The following TRPM1 variants were observed in gnomAD, a reference collection of about 807,000 sequenced individuals.
The protein encoded by TRPM1 is TRPM1-203 APA Isoform, Intron 10.
TRPM1 carries 113 observed loss-of-function variants against 149.4 expected under a neutral mutation model. The ratio of observed to expected loss-of-function variants is 0.76; its 90% CI spans 0.65 to 0.88. The LOEUF (loss-of-function observed/expected upper bound fraction) is 0.88, where lower values mean the gene tolerates loss of function less well. TRPM1 is among the 40% of genes least tolerant of loss of function. The pLI is 0.00. For synonymous variants in TRPM1, 741 were observed against 759.5 expected, an observed-to-expected ratio of 0.98 and a Z score of 0.40; for missense variants, 1,976 against 2,038.7, an observed-to-expected ratio of 0.97 and a Z score of 0.59.
In TRPM1 at chr15:31,035,694, T is replaced by C. The variant is rs746936202; in HGVS notation, c.2572-20A>G. 1.9e-6 allele frequency: 3 copies of C among 1,614,158 alleles called. No individual in the cohort carries two copies. The East Asian group carries it at 6.7e-5, about 36-fold the overall frequency. On this transcript the variant is annotated intron_variant, in intron 20 of 27. Transcript: ENST00000256552. ...TGATATCTGAAAGAAAGACAAGCTG[T>C]TAGCCGTGTTTGGGGGAATCACATA...
At chr15:31,087,981 T>C (rs756187082) in intron 1 of TRPM1, among the ~76,000 whole-genome samples, 2 of 152,226 alleles carry the variant, frequency 1.3e-5, no homozygotes, top group African/African-American at 2.4e-5. Flanking sequence ...GTAAATTTTA[T>C]GTTATGTGTA....
chr15:31,124,783 G>A (rs1309420704), intron 1 of TRPM1, among the ~76,000 whole-genome samples: 1 of 152,104 alleles, frequency 6.6e-6, no homozygotes, highest in African/African-American at 2.4e-5. Flanking sequence ...AAGACAGGGC[G>A]GGATGAACAG....
intron 8 of TRPM1, 22 bp from the exon 9 acceptor site, chr15:31,062,724 G>A (rs750595764): frequency 5.6e-6 from 9 of 1,612,918 alleles, no homozygotes; most frequent in Non-Finnish European, 7.6e-6. Flanking sequence ...AAATGCAAGA[G>A]AACAAAACAA....
intron 1 of TRPM1, among the ~76,000 whole-genome samples, chr15:31,152,670 T>A (rs1297514208): frequency 1.3e-5 from 2 of 152,016 alleles, no homozygotes; most frequent in Non-Finnish European, 2.9e-5. Flanking sequence ...TGAGACAGGG[T>A]CTGGCTCTGT....
At chr15:31,041,372 G>C (rs547246469) in intron 17 of TRPM1, among the ~76,000 whole-genome samples, 1 of 152,040 alleles carries the variant, frequency 6.6e-6, no homozygotes, top group Non-Finnish European at 1.5e-5. Context: ...GGATGGTCTC[G>C]ATCTCCTGAC....
At chr15:31,101,835 G>A (rs1036339259), upstream of TRPM1, 2 of 559,664 alleles carry the variant, frequency 3.6e-6, no homozygotes, top group East Asian at 1.5e-4. Context: ...CCCATGACCT[G>A]ACTCCCAGGC....
chr15:31,012,991 T>TA, intron 27 of TRPM1, among the ~76,000 whole-genome samples: 1 of 144,944 alleles, frequency 6.9e-6, no homozygotes, highest in East Asian at 1.9e-4. Flanking sequence ...TTTTTTTCTT[T>TA]TTTTTTTTTG....
chr15:31,064,886 A>G, intron 7 of TRPM1: 1 of 400,410 alleles, frequency 2.5e-6, no homozygotes, highest in Non-Finnish European at 5.1e-6. Context: ...AAAATGAACT[A>G]AGATATCCTG....
intron 27 of TRPM1, among the ~76,000 whole-genome samples, chr15:31,020,733 C>T (rs1459294344): frequency 1.3e-5 from 2 of 152,136 alleles, no homozygotes; most frequent in African/African-American, 4.8e-5. Flanking sequence ...TGACCTCATT[C>T]CAGGCCTTTA....
chr15:31,073,673 C>T (rs1161759801), intron 3 of TRPM1, among the ~76,000 whole-genome samples: 1 of 151,964 alleles, frequency 6.6e-6, no homozygotes, highest in Non-Finnish European at 1.5e-5. Flanking sequence ...TTCTCTCTTT[C>T]CAATCTCAAT....
At chr15:31,017,162 C>T (rs540624457) in intron 27 of TRPM1, among the ~76,000 whole-genome samples, 2 of 151,994 alleles carry the variant, frequency 1.3e-5, no homozygotes, top group South Asian at 2.1e-4. Context: ...AAAAATTAGC[C>T]GGACATGGTG....
intron 1 of TRPM1, among the ~76,000 whole-genome samples, chr15:31,092,327 C>T (rs1224735965): frequency 6.6e-6 from 1 of 151,930 alleles, no homozygotes; most frequent in Non-Finnish European, 1.5e-5. Context: ...ACCAGCTCTC[C>T]TGGTTTTACG....
At chr15:31,061,282 C>A (rs1167118604) in intron 10 of TRPM1, among the ~76,000 whole-genome samples, 160 bp downstream of exon 10, 3 of 152,190 alleles carry the variant, frequency 2.0e-5, no homozygotes, top group Non-Finnish European at 2.9e-5. Context: ...AAACAGCGAG[C>A]CTTGTCATTC....
At chr15:31,135,041 C>A (rs1190902609) in intron 1 of TRPM1, among the ~76,000 whole-genome samples, 1 of 152,102 alleles carries the variant, frequency 6.6e-6, no homozygotes, top group African/African-American at 2.4e-5. Flanking sequence ...CCTGGTTATC[C>A]CCCATATATA....
Position 31,067,892 on chromosome 15 carries a change from C to G in TRPM1, c.480G>C (p.Gly160=). The G allele has an allele frequency of 1.2e-6, 2 of 1,612,976 alleles. No homozygotes were observed. Among genetic ancestry groups the G allele is most frequent in the Non-Finnish European group, 1.7e-6 (2 of 1,179,910 alleles). ...GCCTGCTCTTACCTGTGCTGACACC[C>G]CCGGTGAAGATCCAGGCCCCGGTGG... is the stretch of plus-strand genomic sequence containing the variant. ...AMTTGAWIFT[G]GVSTGVISHV... Residue 160 remains glycine, a synonymous_variant, in exon 5 of 28, where the codon GGG becomes GGC. Transcript: ENST00000256552.
At chr15:31,102,823 G>C (rs1042102278), upstream of TRPM1, among the ~76,000 whole-genome samples, 2 of 152,272 alleles carry the variant, frequency 1.3e-5, no homozygotes, top group African/African-American at 4.8e-5. Flanking sequence ...GCTCCCACGT[G>C]CTTTGCTGGA....
At chr15:31,043,551 A>G (rs2033682637) in intron 16 of TRPM1, among the ~76,000 whole-genome samples, 1 of 152,190 alleles carries the variant, frequency 6.6e-6, no homozygotes, top group African/African-American at 2.4e-5. Flanking sequence ...AATGGAAAAT[A>G]TAGTATCTTG....
intron 1 of TRPM1, among the ~76,000 whole-genome samples, chr15:31,132,777 C>T (rs1401210358): frequency 6.6e-6 from 1 of 152,102 alleles, no homozygotes. Flanking sequence ...ATCATGTGGG[C>T]GGGTTTTTCC....
At chr15:31,095,981 GGTTGC>G (rs1400133604) in intron 1 of TRPM1, among the ~76,000 whole-genome samples, 2 of 151,950 alleles carry the variant, frequency 1.3e-5, no homozygotes, top group Admixed American at 1.3e-4. Context: ...GGGAGGTGAA[GGTTGC>G]AGTGAGCCGA....
Sources: allele counts gnomAD v4.1 joint callset (sites outside exome capture counted in the v4.1 genomes callset), GRCh38; gene constraint gnomAD v4.1.1; transcripts MANE v1.5; gene names NCBI Gene and HGNC (gene_info 2026-07-23, HGNC 2026-07-21).